PTPRD: variants seen among roughly 807,000 people sequenced by gnomAD.
The protein encoded by PTPRD is protein tyrosine phosphatase receptor type D, also known as receptor-type tyrosine-protein phosphatase delta.
A neutral mutation model predicts 214.5 loss-of-function variants in PTPRD; 34 were observed. The ratio of observed to expected loss-of-function variants is 0.16; its 90% CI spans 0.12 to 0.21. The LOEUF (loss-of-function observed/expected upper bound fraction) is 0.21, where lower values mean the gene tolerates loss of function less well. PTPRD is among the 10% of genes least tolerant of loss of function. The pLI is 1.00. For synonymous variants in PTPRD, 1,128 were observed against 845.7 expected (o/e 1.33, Z -5.79); for missense variants, 2,545 against 2,398.7 (o/e 1.06, Z -1.27).
At chr9:9,107,523 A>T (rs1472144523) in intron 10 of PTPRD, among the ~76,000 whole-genome samples, 1 of 152,136 alleles carries the variant, frequency 6.6e-6, no homozygotes, top group African/African-American at 2.4e-5. Context: ...TGAATGATCC[A>T]TTGCCTTAGA....
intron 11 of PTPRD, among the ~76,000 whole-genome samples, chr9:8,819,571 G>C (rs920978036): frequency 6.6e-6 from 1 of 152,086 alleles, no homozygotes; most frequent in Non-Finnish European, 1.5e-5. Context: ...TGAGGCAAGA[G>C]AATCACTTGA....
chr9:8,638,103 C>CTTTTTTTT (rs963311950), intron 12 of PTPRD, among the ~76,000 whole-genome samples: 4 of 127,028 alleles, frequency 3.1e-5, no homozygotes, highest in African/African-American at 8.7e-5. Context: ...GCTGTTCCTT[C>CTTTTTTTT]TTTTTTTTTT....
At chr9:9,544,678 A>T (rs1327128295) in intron 8 of PTPRD, among the ~76,000 whole-genome samples, 1 of 151,668 alleles carries the variant, frequency 6.6e-6, no homozygotes. Flanking sequence ...TCATACAGCC[A>T]TTTTTCTAGG....
chr9:9,363,491 G>A (rs538549494), intron 9 of PTPRD, among the ~76,000 whole-genome samples: 1 of 151,430 alleles, frequency 6.6e-6, no homozygotes, highest in African/African-American at 2.4e-5. Flanking sequence ...TAAAGGTTAG[G>A]AAAAACCATT....
intron 11 of PTPRD, among the ~76,000 whole-genome samples, chr9:8,810,777 G>T (rs1481074840): frequency 1.3e-5 from 2 of 152,152 alleles, no homozygotes; most frequent in African/African-American, 4.8e-5. Flanking sequence ...TAATAATCAG[G>T]AGAGAGAAAA....
chr9:8,786,193 C>G (rs139301071), intron 11 of PTPRD, among the ~76,000 whole-genome samples: 2 of 152,028 alleles, frequency 1.3e-5, no homozygotes, highest in Non-Finnish European at 2.9e-5. Context: ...CATAAATTAA[C>G]GACTCAGAGA....
intron 43 of PTPRD, among the ~76,000 whole-genome samples, chr9:8,337,556 A>T (rs1848179754): frequency 6.6e-6 from 1 of 152,062 alleles, no homozygotes; most frequent in Non-Finnish European, 1.5e-5. Context: ...TAAATTATGT[A>T]ACAAACCTGC....
intron 4 of PTPRD, among the ~76,000 whole-genome samples, chr9:9,988,857 C>T (rs982548105): frequency 1.3e-5 from 2 of 151,574 alleles, no homozygotes; most frequent in African/African-American, 2.4e-5. Flanking sequence ...TTTTAATCTA[C>T]TTCCATCAGG....
chr9:9,139,936 G>A (rs1392404939), intron 10 of PTPRD, among the ~76,000 whole-genome samples: 1 of 151,830 alleles, frequency 6.6e-6, no homozygotes. Context: ...CTAGTACCCT[G>A]GTTGTCCATG....
At chr9:9,232,808 C>T (rs112265103) in intron 9 of PTPRD, among the ~76,000 whole-genome samples, 8 of 152,222 alleles carry the variant, frequency 5.3e-5, no homozygotes, top group East Asian at 1.9e-4. Context: ...CTCAGACCCA[C>T]GATCCCTCTG....
At chr9:10,324,605 A>C (rs1462260132) in intron 3 of PTPRD, among the ~76,000 whole-genome samples, 1 of 151,986 alleles carries the variant, frequency 6.6e-6, no homozygotes, top group African/African-American at 2.4e-5. Flanking sequence ...CACTCCTTCA[A>C]TGGCTTCATA....
At chr9:10,052,946 A>C (rs939880597) in intron 3 of PTPRD, among the ~76,000 whole-genome samples, 2 of 152,060 alleles carry the variant, frequency 1.3e-5, no homozygotes, top group Admixed American at 1.3e-4. Context: ...TTTTTATATT[A>C]TATTTCAATA....
At chr9:10,151,134 C>G (rs930904809) in intron 3 of PTPRD, among the ~76,000 whole-genome samples, 9 of 144,352 alleles carry the variant, frequency 6.2e-5, no homozygotes, top group Non-Finnish European at 1.2e-4. Flanking sequence ...GATCTCGGCT[C>G]ACTGTAACAT....
chr9:9,299,704 T>C (rs184460199), intron 9 of PTPRD, among the ~76,000 whole-genome samples: 10 of 151,708 alleles, frequency 6.6e-5, no homozygotes, highest in African/African-American at 2.4e-4. Flanking sequence ...TGAATTTCCA[T>C]TGGTGTGATC....
chr9:9,934,724 T>A (rs533441234), intron 5 of PTPRD, among the ~76,000 whole-genome samples: 13 of 151,856 alleles, frequency 8.6e-5, no homozygotes, highest in African/African-American at 3.2e-4. Context: ...TAACTCATTT[T>A]ATGAGGCCAG....
chr9:10,175,548 T>C (rs975237462), intron 3 of PTPRD, among the ~76,000 whole-genome samples: 1 of 152,090 alleles, frequency 6.6e-6, no homozygotes, highest in African/African-American at 2.4e-5. Context: ...TAAGATTTTT[T>C]ATGTGTTAAC....
At chr9:8,601,034 G>A (rs1378155510) in intron 14 of PTPRD, among the ~76,000 whole-genome samples, 4 of 152,090 alleles carry the variant, frequency 2.6e-5, no homozygotes, top group Non-Finnish European at 5.9e-5. Context: ...CTTGAAGGGT[G>A]AGTCCCAGTC....
intron 3 of PTPRD, among the ~76,000 whole-genome samples, chr9:10,308,468 T>C (rs2096159872): frequency 6.6e-6 from 1 of 152,120 alleles, no homozygotes; most frequent in African/African-American, 2.4e-5. Flanking sequence ...ACTGTAGCTT[T>C]GTAGTATATT....
At chr9:10,187,608 C>G (rs924018102) in intron 3 of PTPRD, among the ~76,000 whole-genome samples, 1 of 152,208 alleles carries the variant, frequency 6.6e-6, no homozygotes, top group African/African-American at 2.4e-5. Context: ...AAAATAAAGA[C>G]AGTAGGTACA....
Sources: gnomAD v4.1 joint callset for allele counts (sites outside exome capture counted in the v4.1 genomes callset) on GRCh38, gnomAD v4.1.1 for gene constraint, MANE v1.5 for transcripts, NCBI Gene and HGNC (gene_info 2026-07-23, HGNC 2026-07-21) for gene names.